Variants in PRMT3 observed in about 807,000 individuals in gnomAD.
The protein encoded by PRMT3 is protein arginine methyltransferase 3.
PRMT3 carries 62 observed loss-of-function variants against 71.9 expected under a neutral mutation model. The observed-to-expected ratio is 0.86, with a 90% CI of 0.70 to 1.07. PRMT3 has a LOEUF of 1.07. Among genes scored for constraint, PRMT3 ranks in the 50% least tolerant of loss-of-function variants. The pLI is 0.00. For synonymous variants in PRMT3, 213 were observed against 220.4 expected, an observed-to-expected ratio of 0.97 and a Z score of 0.30; for missense variants, 663 against 643.0, an observed-to-expected ratio of 1.03 and a Z score of -0.34.
chr11:20,505,917 T>C (rs1851580742), intron 15 of PRMT3, among the ~76,000 whole-genome samples: 1 of 151,794 alleles, frequency 6.6e-6, no homozygotes, highest in Non-Finnish European at 1.5e-5. Flanking sequence ...CTATTTCTTA[T>C]TCATTATAGT....
At chr11:20,412,453 A>G (rs76480681) in intron 9 of PRMT3, among the ~76,000 whole-genome samples, 6 of 151,992 alleles carry the variant, frequency 3.9e-5, no homozygotes, top group Non-Finnish European at 8.8e-5. Flanking sequence ...GGATTTTTGA[A>G]ATTTTCAGCC....
chr11:20,397,273 C>T (rs1224422349), intron 6 of PRMT3, among the ~76,000 whole-genome samples: 1 of 152,008 alleles, frequency 6.6e-6, no homozygotes, highest in East Asian at 1.9e-4. Flanking sequence ...GATTTTAAAA[C>T]AATAGAAATA....
intron 11 of PRMT3, among the ~76,000 whole-genome samples, chr11:20,458,020 T>C (rs934096887): frequency 1.3e-5 from 2 of 152,336 alleles, no homozygotes; most frequent in East Asian, 1.9e-4. Context: ...CAAATAAATA[T>C]TACTTTTTAA....
chr11:20,478,716 C>T (rs1850857512), intron 13 of PRMT3, among the ~76,000 whole-genome samples: 1 of 152,116 alleles, frequency 6.6e-6, no homozygotes. Flanking sequence ...TCATAATACT[C>T]TGTTTTCATT....
chr11:20,418,905 A>G (rs1849367072), intron 9 of PRMT3, among the ~76,000 whole-genome samples: 1 of 152,230 alleles, frequency 6.6e-6, no homozygotes, highest in South Asian at 2.1e-4. Flanking sequence ...ACCATCACCC[A>G]GGCCAAGAGA....
In PRMT3 at chr11:20,508,960, A is replaced by G. The variant is rs183368804; in HGVS notation, c.*547A>G. On this transcript the variant is annotated 3_prime_UTR_variant, in exon 16 of 16. Transcript: ENST00000331079. The stretch of plus-strand genomic sequence containing the variant: ...TCATATACAAATCATATATGCAGAC[A>G]GCCTAGTTGATTATCTAGCATACTT... The G allele has an allele frequency of 4.3e-3, 717 of 167,200 alleles. 3 individuals are homozygous for G. The highest frequency in any genetic ancestry group is 0.016 in the African/African-American group (673 of 41,812). The allele number at this position is 167,200 out of a possible 1,614,324, so 10.4% of individuals were successfully genotyped here.
chr11:20,501,019 T>G (rs1851446042), intron 15 of PRMT3, among the ~76,000 whole-genome samples: 1 of 152,184 alleles, frequency 6.6e-6, no homozygotes, highest in Admixed American at 6.5e-5. Context: ...TTGTACAGAT[T>G]GCTCATTTTT....
chr11:20,456,577 A>G (rs1850271572), intron 11 of PRMT3, among the ~76,000 whole-genome samples: 1 of 152,176 alleles, frequency 6.6e-6, no homozygotes, highest in Admixed American at 6.5e-5. Flanking sequence ...CCAGTAACAT[A>G]CTGTCTTAAT....
intron 9 of PRMT3, among the ~76,000 whole-genome samples, chr11:20,415,024 G>GTA (rs1849273073): frequency 7.8e-6 from 1 of 127,588 alleles, no homozygotes; most frequent in Admixed American, 7.7e-5. Context: ...AGTGGTGTGT[G>GTA]TGTGTGTGTG....
At chr11:20,402,466 TGCCCA>T (rs1848971661) in intron 7 of PRMT3, among the ~76,000 whole-genome samples, 1 of 152,112 alleles carries the variant, frequency 6.6e-6, no homozygotes. Flanking sequence ...CTCACTTTGT[TGCCCA>T]GCCTGGTCTC....
intron 9 of PRMT3, among the ~76,000 whole-genome samples, chr11:20,414,084 G>T (rs2133332853): frequency 6.6e-6 from 1 of 152,144 alleles, no homozygotes; most frequent in Admixed American, 6.5e-5. Flanking sequence ...AATAATTTTT[G>T]GCTAGGCATG....
At chr11:20,417,774 T>TCACACACACACA (rs34609751) in intron 9 of PRMT3, among the ~76,000 whole-genome samples, 10 of 149,350 alleles carry the variant, frequency 6.7e-5, no homozygotes, top group African/African-American at 2.5e-4. Context: ...TCTCTCTCTG[T>TCACACACACACA]CACACACACA....
chr11:20,412,489 T>C (rs947121819), intron 9 of PRMT3, among the ~76,000 whole-genome samples: 1 of 152,106 alleles, frequency 6.6e-6, no homozygotes, highest in African/African-American at 2.4e-5. Flanking sequence ...GAGAATGATA[T>C]GAATTCCTGT....
chr11:20,406,939 T>G (rs536489509), intron 8 of PRMT3: 1 of 152,356 alleles, frequency 6.6e-6, no homozygotes, highest in East Asian at 1.9e-4. Flanking sequence ...AGTTCGTATA[T>G]CCAATGTAAG....
chr11:20,392,870 A>G (rs1354474421), intron 4 of PRMT3, 27 bp from the exon 5 acceptor site: 1 of 1,411,868 alleles, frequency 7.1e-7, no homozygotes, highest in East Asian at 2.3e-5. Context: ...TGTAATGAAA[A>G]AAACATGAGA....
chr11:20,460,969 A>G (rs1850370051), intron 11 of PRMT3, among the ~76,000 whole-genome samples: 1 of 152,168 alleles, frequency 6.6e-6, no homozygotes. Context: ...CCCTCCCATT[A>G]TTCTCCACAT....
chr11:20,436,681 C>A (rs927742337), intron 10 of PRMT3, among the ~76,000 whole-genome samples: 2 of 148,598 alleles, frequency 1.3e-5, no homozygotes, highest in Non-Finnish European at 3.0e-5. Flanking sequence ...ATTTAGTTTG[C>A]TTGTATTTTG....
chr11:20,500,673 ATTTG>A (rs571372032), intron 15 of PRMT3, among the ~76,000 whole-genome samples: 9 of 152,182 alleles, frequency 5.9e-5, no homozygotes, highest in African/African-American at 2.2e-4. Context: ...ACAAGTAAAT[ATTTG>A]TTTGAGAAAA....
chr11:20,500,965 C>A lies in PRMT3; in HGVS notation c.1486+6711C>A, dbSNP rs11826673. Among the ~76,000 whole-genome samples, 1,078 of 152,242 alleles carry A rather than the reference C, an allele frequency of 7.1e-3. 16 individuals are homozygous for A. The highest frequency in any genetic ancestry group is 0.025 in the African/African-American group (1,023 of 41,540). On this transcript the variant is annotated intron_variant, in intron 15 of 15. Transcript: ENST00000331079. ...TCTGACTCTGGTTTTTCATCATTTC[C>A]AACCCCATCCTTTCACAACCCCAGG...
Sources: allele counts gnomAD v4.1 joint callset (sites outside exome capture counted in the v4.1 genomes callset), GRCh38; gene constraint gnomAD v4.1.1; transcripts MANE v1.5; gene names NCBI Gene and HGNC (gene_info 2026-07-23, HGNC 2026-07-21).